The following ARFGAP3 variants were observed in gnomAD, a reference collection of about 807,000 sequenced individuals.
The protein encoded by ARFGAP3 is ADP-ribosylation factor GTPase-activating protein 3.
A neutral mutation model predicts 75.0 loss-of-function variants in ARFGAP3; 72 were observed. The ratio of observed to expected loss-of-function variants is 0.96; its 90% CI spans 0.79 to 1.17. ARFGAP3 has a LOEUF of 1.17. Among genes scored for constraint, ARFGAP3 ranks in the 50% most tolerant of loss-of-function variants. ARFGAP3 has a pLI of 0.00. For missense variants in ARFGAP3, 620 were observed against 626.6 expected, an observed-to-expected ratio of 0.99 and a Z score of 0.11; for synonymous variants, 221 against 217.9, an observed-to-expected ratio of 1.01 and a Z score of -0.13.
chr22:42,822,110 C>T (rs931390962), intron 9 of ARFGAP3, among the ~76,000 whole-genome samples, 160 bp downstream of exon 9: 1 of 152,146 alleles, frequency 6.6e-6, no homozygotes, highest in Non-Finnish European at 1.5e-5. Context: ...TCTTTCCCTT[C>T]CAATCCACAT....
chr22:42,805,607 C>T (rs1219602860), intron 14 of ARFGAP3, among the ~76,000 whole-genome samples: 1 of 152,228 alleles, frequency 6.6e-6, no homozygotes, highest in Non-Finnish European at 1.5e-5. Flanking sequence ...TCACCTGCCC[C>T]CACCAAGACT....
chr22:42,848,263 C>T (rs5758981), intron 1 of ARFGAP3, among the ~76,000 whole-genome samples: 26,663 of 152,090 alleles, frequency 0.18, 3,695 homozygotes, highest in East Asian at 0.56. Flanking sequence ...GGCTGGAGTG[C>T]AGCGGCACGA....
chr22:42,807,065 C>T lies in ARFGAP3; in HGVS notation c.1411+8G>A. ...GACAGAGACCAGCTCTTGTTCAGTGCCCCCTACCTGCTGGCTGCTTCCTCG... is the reference window on the plus strand; with the variant it reads ...GACAGAGACCAGCTCTTGTTCAGTGTCCCCTACCTGCTGGCTGCTTCCTCG... On this transcript the variant is annotated splice_region_variant and intron_variant, in intron 14 of 15. Coordinates refer to ENST00000263245, the MANE Select transcript of ARFGAP3 (RefSeq NM_014570.5). The T allele has an allele frequency of 1.9e-6, 3 of 1,604,946 alleles. No homozygotes were observed. The highest frequency in any genetic ancestry group is 1.3e-5 in the African/African-American group (1 of 74,802).
rs185841091 is a variant in ARFGAP3, at chr22:42,850,337, C to A, written c.70-2705G>T. ...CTGTAATCCTAGCACTTTGGGAGGC[C>A]AAGGCAGGTAGATCGCTTGAGCTCA... is the stretch of plus-strand genomic sequence containing the variant. On this transcript the variant is annotated intron_variant, in intron 1 of 15. Coordinates refer to ENST00000263245, the MANE Select transcript of ARFGAP3 (RefSeq NM_014570.5). Among the ~76,000 whole-genome samples the A allele has an allele frequency of 4.4e-3, 669 of 151,974 alleles. 7 individuals are homozygous for A. Among genetic ancestry groups the A allele is most frequent in the African/African-American group, 0.016 (652 of 41,470 alleles).
At chr22:42,836,227 T>C (rs764291994) in intron 3 of ARFGAP3, among the ~76,000 whole-genome samples, 1 of 152,138 alleles carries the variant, frequency 6.6e-6, no homozygotes, top group Non-Finnish European at 1.5e-5. Flanking sequence ...TCCACTTGCC[T>C]TGGCCTCACA....
At chr22:42,827,610 C>T (rs1285728540) in intron 6 of ARFGAP3, among the ~76,000 whole-genome samples, 1 of 152,236 alleles carries the variant, frequency 6.6e-6, no homozygotes, top group Non-Finnish European at 1.5e-5. Context: ...AGGTGGTCCA[C>T]CCGCCTTGGC....
At chr22:42,814,517 A>G (rs892657139) in intron 11 of ARFGAP3, among the ~76,000 whole-genome samples, 3 of 152,228 alleles carry the variant, frequency 2.0e-5, no homozygotes, top group Admixed American at 6.5e-5. Flanking sequence ...CATAAGTAAC[A>G]GTTTCATAGC....
intron 8 of ARFGAP3, 125 bp downstream of exon 8, chr22:42,823,531 C>G (rs1209264793): frequency 3.2e-6 from 2 of 634,900 alleles, no homozygotes; most frequent in South Asian, 4.4e-5. Context: ...AAAACATAGA[C>G]TCCTTATATC....
chr22:42,825,705 AC>A (rs1780713045), intron 7 of ARFGAP3, among the ~76,000 whole-genome samples: 1 of 152,054 alleles, frequency 6.6e-6, no homozygotes, highest in Non-Finnish European at 1.5e-5. Context: ...AAAAAAAGAA[AC>A]ATAAAGCATT....
intron 2 of ARFGAP3, among the ~76,000 whole-genome samples, chr22:42,842,340 G>A (rs1926823714): frequency 7.2e-6 from 1 of 138,662 alleles, no homozygotes; most frequent in Admixed American, 7.6e-5. Context: ...TAGAGATAGG[G>A]TCTTGTTATG....
chr22:42,826,582 T>C (rs1189979004), intron 7 of ARFGAP3, among the ~76,000 whole-genome samples: 1 of 151,934 alleles, frequency 6.6e-6, no homozygotes, highest in Admixed American at 6.6e-5. Context: ...TGTTGTTTTG[T>C]AGAGCTAAGG....
chr22:42,811,384 G>T (rs1925361264), intron 11 of ARFGAP3, among the ~76,000 whole-genome samples: 1 of 152,158 alleles, frequency 6.6e-6, no homozygotes, highest in Non-Finnish European at 1.5e-5. Context: ...GACAACACAG[G>T]GCATCTTTAA....
chr22:42,827,044 C>A (rs748941089), intron 6 of ARFGAP3, 45 bp from the exon 7 acceptor site: 9 of 1,606,464 alleles, frequency 5.6e-6, no homozygotes, highest in Non-Finnish European at 7.6e-6. Context: ...ATATACTCAG[C>A]TAACTTGCTT....
chr22:42,843,995 G>C (rs1926897381), intron 2 of ARFGAP3, among the ~76,000 whole-genome samples: 1 of 152,030 alleles, frequency 6.6e-6, no homozygotes, highest in Admixed American at 6.6e-5. Context: ...TAAATTTGTT[G>C]ACTTGAAATT....
chr22:42,851,803 T>C (rs1178488218), intron 1 of ARFGAP3, among the ~76,000 whole-genome samples: 1 of 152,264 alleles, frequency 6.6e-6, no homozygotes, highest in Non-Finnish European at 1.5e-5. Context: ...CAATTTGTTT[T>C]GTTTAATGAT....
chr22:42,852,778 C>T (rs961684512), intron 1 of ARFGAP3, among the ~76,000 whole-genome samples: 2 of 151,286 alleles, frequency 1.3e-5, no homozygotes, highest in East Asian at 3.9e-4. Context: ...TTTGTGTGTG[C>T]GTGTGAGATG....
chr22:42,853,479 A>G (rs933184515), intron 1 of ARFGAP3: 9 of 219,562 alleles, frequency 4.1e-5, no homozygotes, highest in Non-Finnish European at 8.8e-5. Flanking sequence ...GGAAGACCTC[A>G]TCAAGGTGCC....
At chr22:42,844,256 T>C (rs1926910620) in intron 2 of ARFGAP3, among the ~76,000 whole-genome samples, 1 of 151,856 alleles carries the variant, frequency 6.6e-6, no homozygotes, top group African/African-American at 2.4e-5. Flanking sequence ...CAGACTGAAG[T>C]GAAGTGGTGA....
Position 42,810,911 on chromosome 22 carries a change from A to G in ARFGAP3, c.1098T>C (p.Ser366=). ...YFDEPVELRS[S]SFSSWDDSSD... Reference sequence around the variant, plus strand: ...AACTGTCATCCCAGCTAGAGAAAGAACTGCTCCTTAACTCCACTGGCTCGT... The same window carrying G: ...AACTGTCATCCCAGCTAGAGAAAGAGCTGCTCCTTAACTCCACTGGCTCGT... The change falls in exon 12 of 16, where the codon AGT becomes AGC. Residue 366 remains serine, a synonymous_variant. Transcript: ENST00000263245. The G allele has an allele frequency of 1.2e-6, 2 of 1,614,194 alleles. No individual in the cohort carries two copies. The highest frequency in any genetic ancestry group is 3.3e-5 in the Admixed American group (2 of 60,008).
Sources: allele counts gnomAD v4.1 joint callset (sites outside exome capture counted in the v4.1 genomes callset), GRCh38; gene constraint gnomAD v4.1.1; transcripts MANE v1.5; gene names NCBI Gene and HGNC (gene_info 2026-07-23, HGNC 2026-07-21).